PCDH9: variants seen among roughly 807,000 people sequenced by gnomAD.
PCDH9 encodes the protein protocadherin-9.
PCDH9 carries 24 observed loss-of-function variants against 70.6 expected under a neutral mutation model. The ratio of observed to expected loss-of-function variants is 0.34; its 90% confidence interval spans 0.25 to 0.48. PCDH9 has a LOEUF of 0.48. Among genes scored for constraint, PCDH9 ranks in the 20% least tolerant of loss-of-function variants. The probability of loss-of-function intolerance (pLI) is 0.99; values close to 1 mark genes in which losing one functional copy is unlikely to be tolerated. For synonymous variants in PCDH9, 562 were observed against 558.5 expected, an observed-to-expected ratio of 1.01 and a Z score of -0.09; for missense variants, 1,281 against 1,503.6, an observed-to-expected ratio of 0.85 and a Z score of 2.45.
chr13:66,720,293 G>A (rs6650417), intron 3 of PCDH9, among the ~76,000 whole-genome samples: 19,479 of 149,952 alleles, frequency 0.13, 1,381 homozygotes, highest in African/African-American at 0.18. Context: ...TTACAGGCAC[G>A]TGCTACCATA....
intron 4 of PCDH9, among the ~76,000 whole-genome samples, chr13:66,432,440 C>A (rs1270843774): frequency 6.6e-6 from 1 of 151,910 alleles, no homozygotes; most frequent in Non-Finnish European, 1.5e-5. Flanking sequence ...TGACAACATG[C>A]CTGATAGCCT....
At chr13:66,777,268 A>G (rs2079911859) in intron 3 of PCDH9, among the ~76,000 whole-genome samples, 2 of 151,988 alleles carry the variant, frequency 1.3e-5, no homozygotes, top group Non-Finnish European at 2.9e-5. Context: ...ACAAAAGCCA[A>G]AATTGACAAA....
chr13:67,196,103 T>A (rs1384602686), intron 2 of PCDH9, among the ~76,000 whole-genome samples: 3 of 152,168 alleles, frequency 2.0e-5, no homozygotes, highest in Non-Finnish European at 4.4e-5. Flanking sequence ...TATGGATACA[T>A]CACTTAATAT....
At chr13:66,374,203 T>C (rs1279149890) in intron 4 of PCDH9, among the ~76,000 whole-genome samples, 1 of 152,064 alleles carries the variant, frequency 6.6e-6, no homozygotes, top group African/African-American at 2.4e-5. Flanking sequence ...TATATTTATA[T>C]GAATATAATT....
At chr13:66,644,618 C>T (rs1394239770) in intron 3 of PCDH9, among the ~76,000 whole-genome samples, 2 of 151,822 alleles carry the variant, frequency 1.3e-5, no homozygotes, top group African/African-American at 2.4e-5. Flanking sequence ...AATTATGTAT[C>T]ATCATTCTTA....
intron 4 of PCDH9, among the ~76,000 whole-genome samples, chr13:66,434,257 A>G (rs559024846): frequency 3.4e-4 from 52 of 152,004 alleles, no homozygotes; most frequent in Admixed American, 1.2e-3. Context: ...TTAACTTACA[A>G]ACAAAAACCA....
intron 3 of PCDH9, among the ~76,000 whole-genome samples, chr13:66,740,598 A>G (rs1330996510): frequency 6.7e-6 from 1 of 149,656 alleles, no homozygotes; most frequent in African/African-American, 2.4e-5. Context: ...CGCTAGCAAG[A>G]CTAATAAAGA....
At chr13:66,837,442 G>A (rs556561730) in intron 3 of PCDH9, among the ~76,000 whole-genome samples, 53 of 152,102 alleles carry the variant, frequency 3.5e-4, no homozygotes, top group Non-Finnish European at 5.6e-4. Flanking sequence ...TGGAGCGGGA[G>A]CAGCCTGGCT....
chr13:66,533,977 G>A (rs1960580422), intron 4 of PCDH9, among the ~76,000 whole-genome samples: 2 of 152,174 alleles, frequency 1.3e-5, no homozygotes, highest in Middle Eastern at 3.4e-3. Flanking sequence ...GATCATCATG[G>A]CAGCATATAC....
intron 2 of PCDH9, among the ~76,000 whole-genome samples, chr13:66,935,745 C>T (rs1028704017): frequency 1.3e-5 from 2 of 152,036 alleles, no homozygotes; most frequent in Admixed American, 6.6e-5. Context: ...CTACTAGTCA[C>T]AAAGTTAGTT....
intron 4 of PCDH9, among the ~76,000 whole-genome samples, chr13:66,604,089 A>G (rs1014727372): frequency 1.3e-5 from 2 of 151,950 alleles, no homozygotes. Flanking sequence ...TCCAATATAT[A>G]GTTTCTCAAA....
intron 4 of PCDH9, among the ~76,000 whole-genome samples, chr13:66,476,341 A>G (rs141579325): frequency 6.6e-6 from 1 of 152,060 alleles, no homozygotes; most frequent in Non-Finnish European, 1.5e-5. Context: ...ATATGATGTT[A>G]GTAATACACA....
At chr13:67,010,811 A>G (rs2084438356) in intron 2 of PCDH9, among the ~76,000 whole-genome samples, 2 of 151,994 alleles carry the variant, frequency 1.3e-5, no homozygotes, top group Admixed American at 1.3e-4. Context: ...GCCACCATCG[A>G]TGGGAGGTAG....
At chr13:66,444,771 G>A (rs1739347736) in intron 4 of PCDH9, among the ~76,000 whole-genome samples, 1 of 151,992 alleles carries the variant, frequency 6.6e-6, no homozygotes, top group Admixed American at 6.6e-5. Context: ...ATGTTGGCCA[G>A]GCTGTTCCTG....
intron 2 of PCDH9, among the ~76,000 whole-genome samples, chr13:67,134,562 C>A (rs557874688): frequency 6.6e-6 from 1 of 152,062 alleles, no homozygotes; most frequent in South Asian, 2.1e-4. Context: ...TCTACCCATA[C>A]GCATTCTTCT....
At chr13:66,687,472 A>ATCTCC (rs768572799) in intron 3 of PCDH9, among the ~76,000 whole-genome samples, 32 of 152,024 alleles carry the variant, frequency 2.1e-4, no homozygotes, top group Non-Finnish European at 3.8e-4. Flanking sequence ...CAGAATTTGC[A>ATCTCC]TCTCCTCTAA....
At chr13:66,482,637 G>A (rs1958862266) in intron 4 of PCDH9, among the ~76,000 whole-genome samples, 1 of 152,188 alleles carries the variant, frequency 6.6e-6, no homozygotes, top group Non-Finnish European at 1.5e-5. Context: ...TGGGAGAGCT[G>A]TTGGTTGGAC....
chr13:66,582,261 C>A (rs113589427), intron 4 of PCDH9, among the ~76,000 whole-genome samples: 1 of 152,108 alleles, frequency 6.6e-6, no homozygotes, highest in South Asian at 2.1e-4. Context: ...TAAGAATAAT[C>A]TGGATAAGGT....
At chr13:66,886,388 G>C (rs2082005124) in intron 3 of PCDH9, among the ~76,000 whole-genome samples, 1 of 152,144 alleles carries the variant, frequency 6.6e-6, no homozygotes, top group Non-Finnish European at 1.5e-5. Context: ...CTGTGAGCAT[G>C]AGTCTAGGCT....
Sources: allele counts gnomAD v4.1 joint callset (sites outside exome capture counted in the v4.1 genomes callset), GRCh38; gene constraint gnomAD v4.1.1; transcripts MANE v1.5; gene names NCBI Gene and HGNC (gene_info 2026-07-23, HGNC 2026-07-21).